Variants in WNT9A observed in about 807,000 individuals in gnomAD.
WNT9A encodes Wnt family member 9A, also known as protein Wnt-9a.
In WNT9A, 8 loss-of-function variants were observed where a neutral mutation model predicts 31.4. That is an observed-to-expected ratio of 0.26 (90% confidence interval 0.15 to 0.46). WNT9A has a LOEUF of 0.46. Ranked by LOEUF, WNT9A falls within the 20% of genes least tolerant of loss-of-function variation. The pLI is 0.99. For missense variants in WNT9A, 457 were observed against 522.9 expected (o/e 0.87, Z 1.23); for synonymous variants, 236 against 220.1 (o/e 1.07, Z -0.64).
intron 2 of WNT9A, among the ~76,000 whole-genome samples, chr1:227,924,890 T>A (rs1467358808): frequency 1.3e-5 from 2 of 151,932 alleles, no homozygotes; most frequent in Non-Finnish European, 2.9e-5. Flanking sequence ...AAATAAGGCA[T>A]CAGAGAGCCC....
chr1:227,941,254 G>A (rs184398719), intron 1 of WNT9A, among the ~76,000 whole-genome samples: 8 of 152,300 alleles, frequency 5.3e-5, no homozygotes, highest in African/African-American at 1.9e-4. Flanking sequence ...CTTGGGATAG[G>A]AGGGCACACA....
intron 3 of WNT9A, 30 bp from the exon 4 acceptor site, chr1:227,922,030 T>A: frequency 1.3e-6 from 2 of 1,571,704 alleles, no homozygotes; most frequent in Non-Finnish European, 1.7e-6. Flanking sequence ...GGGAGGGCAG[T>A]GTGAGGGCTG....
intron 1 of WNT9A, among the ~76,000 whole-genome samples, chr1:227,935,396 C>G (rs1254894180): frequency 2.0e-5 from 3 of 152,204 alleles, no homozygotes; most frequent in Non-Finnish European, 4.4e-5. Flanking sequence ...GTCACAATCT[C>G]AGGCTGCCAA....
In WNT9A at chr1:227,926,747, T is replaced by C. The variant is rs979591889; in HGVS notation, c.96-1228A>G. On this transcript the variant is annotated intron_variant, in intron 1 of 3. Transcript: ENST00000272164. This position sits in a 1 kb window ranked among gnomAD's most constrained non-coding sequence, Gnocchi z 5.0. ...AGCAGAGAACGGCAGACTCAGGATG[T>C]GCTGGGAGCCACCGGGGTGCCAGCT... Among the ~76,000 whole-genome samples the C allele has an allele frequency of 2.0e-4, 30 of 151,858 alleles. No individual in the cohort carries two copies. Among genetic ancestry groups the C allele is most frequent in the Non-Finnish European group, 2.9e-5 (2 of 67,984 alleles).
intron 1 of WNT9A, among the ~76,000 whole-genome samples, chr1:227,937,187 G>A (rs1428986954): frequency 1.3e-5 from 2 of 152,112 alleles, no homozygotes; most frequent in Non-Finnish European, 1.5e-5. Flanking sequence ...GTGGTTTCCC[G>A]AGCCTTGCAG....
chr1:227,924,453 TCAC>T, intron 2 of WNT9A, 53 bp from the exon 3 acceptor site: 1 of 1,571,988 alleles, frequency 6.4e-7, no homozygotes. Context: ...AGTTCCCCCT[TCAC>T]TGTCCTGCAG....
rs1358616308 is a variant in WNT9A at position 227,918,904 on chromosome 1, C to T, written c.*2614G>A. On this transcript the variant is annotated 3_prime_UTR_variant, in exon 4 of 4. Coordinates refer to ENST00000272164, the MANE Select transcript of WNT9A (RefSeq NM_003395.4). ...TGGTGCAGAGAAGGTGGCTGGGATC[C>T]CCTGGCCAAGGAGCGGGCTGAACCC... The T allele has an allele frequency of 6.6e-6, 1 of 151,258 alleles. No homozygotes were observed. The highest frequency in any genetic ancestry group is 1.5e-5 in the Non-Finnish European group (1 of 67,818). 9.4% of individuals were successfully genotyped at this position (151,258 alleles called of 1,614,324 possible). A position where few individuals can be genotyped will look rare whatever the true frequency, so the allele number is the denominator to read the frequency against.
At chr1:227,927,994 G>A (rs560100003) in intron 1 of WNT9A, among the ~76,000 whole-genome samples, 1 of 152,094 alleles carries the variant, frequency 6.6e-6, no homozygotes. Flanking sequence ...CAGGGGAGGA[G>A]GAGGAGGGGG....
rs546434966 is a variant in WNT9A, at chr1:227,947,853, G to A, written c.35C>T (p.Ala12Val). 20 of 1,088,252 alleles carry A rather than the reference G, an allele frequency of 1.8e-5. No homozygotes were observed. The South Asian group carries it at 8.6e-4, about 47-fold the overall frequency. 67.4% of individuals were successfully genotyped at this position (1,088,252 alleles called of 1,614,324 possible). A position where few individuals can be genotyped will look rare whatever the true frequency, so the allele number is the denominator to read the frequency against. ...CAGCAGCGTCAGCCCGAAGGCCGCG[G>A]CCAGCCAGCGCGCCAGCGGGGACCC... ...LDGSPLARWLAAAFGLTLLLA... is the reference protein window; with the variant it reads ...LDGSPLARWLVAAFGLTLLLA... Residue 12 changes from alanine to valine, a missense_variant, in exon 1 of 4, where the codon GCC (alanine) becomes GTC (valine). By Grantham distance (64) the Ala-to-Val change is moderately conservative (BLOSUM62 0). Transcript: ENST00000272164.
At chr1:227,944,529 C>T (rs1293378641) in intron 1 of WNT9A, among the ~76,000 whole-genome samples, 1 of 152,180 alleles carries the variant, frequency 6.6e-6, no homozygotes, top group Non-Finnish European at 1.5e-5. Context: ...GAGTTACGGC[C>T]AATAACAAAA....
chr1:227,946,673 T>C (rs1421289947), intron 1 of WNT9A, among the ~76,000 whole-genome samples: 1 of 152,248 alleles, frequency 6.6e-6, no homozygotes, highest in Non-Finnish European at 1.5e-5. Flanking sequence ...AAGTTTCCCA[T>C]GAAAATATTT....
At chr1:227,933,094 C>T (rs2102724261) in intron 1 of WNT9A, among the ~76,000 whole-genome samples, 1 of 152,374 alleles carries the variant, frequency 6.6e-6, no homozygotes, top group Admixed American at 6.5e-5. Flanking sequence ...TCCCAGATGA[C>T]ATCTTCTTTC....
chr1:227,941,882 G>A (rs1666713452), intron 1 of WNT9A, among the ~76,000 whole-genome samples: 2 of 152,100 alleles, frequency 1.3e-5, no homozygotes, highest in Admixed American at 1.3e-4. Flanking sequence ...TGCCGCAGCT[G>A]GGATCAGGTG....
At position 227,921,137 on chromosome 1, in the gene WNT9A, G is replaced by A. The variant is rs955452844; in HGVS notation, c.*381C>T. ...ACACCATGTGCAATGCCTGCACTCT[G>A]AGCAGCAGGGCTGACTGGGCCCAGG... On this transcript the variant is annotated 3_prime_UTR_variant, in exon 4 of 4. Transcript: ENST00000272164. 2.0e-5 allele frequency: 5 copies of A among 244,874 alleles called. No individual in the cohort carries two copies. The highest frequency in any genetic ancestry group is 1.4e-4 in the Admixed American group (3 of 21,754). 15.2% of individuals were successfully genotyped at this position (244,874 alleles called of 1,614,324 possible).
rs1426893550 is a variant in WNT9A, at chr1:227,943,156, T to C, written c.95+4637A>G. On this transcript the variant is annotated intron_variant, in intron 1 of 3. Coordinates refer to ENST00000272164, the MANE Select transcript of WNT9A (RefSeq NM_003395.4). The stretch of plus-strand genomic sequence containing the variant: ...GAAACACATCCCCTCCCCACGCCCA[T>C]GACAGCAGCCTCTCCGCAGCCTCCT... 3.3e-5 allele frequency among the ~76,000 whole-genome samples: 5 copies of C among 152,324 alleles called. No individual in the cohort carries two copies. In the South Asian group the frequency reaches 6.2e-4, roughly 19 times the overall value.
rs1375821600 is a variant in WNT9A, at chr1:227,918,881, G to A, written c.*2637C>T. The A allele has an allele frequency of 6.6e-6, 1 of 151,588 alleles. No homozygotes were observed. The highest frequency in any genetic ancestry group is 2.0e-4 in the East Asian group (1 of 5,056). The allele number at this position is 151,588 out of a possible 1,614,324, so 9.4% of individuals were successfully genotyped here. ...TCCAGGTCCCTCAAGGCAGGGCCTG[G>A]TGCAGAGAAGGTGGCTGGGATCCCC... On this transcript the variant is annotated 3_prime_UTR_variant, in exon 4 of 4. Transcript: ENST00000272164.
Position 227,919,807 on chromosome 1 carries a change from T to C in WNT9A, c.*1711A>G, listed in dbSNP as rs181161385. ...ACACGCACTCACAACACTCACAACA[T>C]ACGCACACGTATGCACACTGACCAC... On this transcript the variant is annotated 3_prime_UTR_variant, in exon 4 of 4. Coordinates refer to ENST00000272164, the MANE Select transcript of WNT9A (RefSeq NM_003395.4). 9.4e-4 allele frequency: 137 copies of C among 146,496 alleles called. No homozygotes were observed. Among genetic ancestry groups the C allele is most frequent in the Non-Finnish European group, 1.3e-3 (86 of 66,764 alleles). 9.1% of individuals were successfully genotyped at this position (146,496 alleles called of 1,614,324 possible).
At chr1:227,922,619 C>T (rs1666342220) in intron 3 of WNT9A, among the ~76,000 whole-genome samples, 4 of 152,174 alleles carry the variant, frequency 2.6e-5, no homozygotes, top group Non-Finnish European at 5.9e-5. Context: ...GAGAGAGCTC[C>T]TTATACTGCA....
At chr1:227,940,143 T>C (rs985576185) in intron 1 of WNT9A, among the ~76,000 whole-genome samples, 4 of 152,094 alleles carry the variant, frequency 2.6e-5, no homozygotes, top group East Asian at 1.9e-4. Flanking sequence ...GTCTGCAGCA[T>C]CCATGGGGTC....
Sources: allele counts gnomAD v4.1 joint callset (sites outside exome capture counted in the v4.1 genomes callset), GRCh38; gene constraint gnomAD v4.1.1; non-coding constraint Gnocchi (gnomAD v3.1); transcripts MANE v1.5; gene names NCBI Gene and HGNC (gene_info 2026-07-23, HGNC 2026-07-21).